The following DGKH variants were observed in gnomAD, a reference collection of about 807,000 sequenced individuals.
DGKH encodes diacylglycerol kinase eta.
DGKH carries 90 observed loss-of-function variants against 159.3 expected under a neutral mutation model. The ratio of observed to expected loss-of-function variants is 0.57; its 90% CI spans 0.48 to 0.67. The LOEUF is 0.67. Among genes scored for constraint, DGKH ranks in the 30% least tolerant of loss-of-function variants. The pLI, the probability that DGKH is intolerant of heterozygous loss-of-function variation, is 0.00. For synonymous variants in DGKH, 536 were observed against 553.8 expected (o/e 0.97, Z 0.45); for missense variants, 1,181 against 1,506.1 (o/e 0.78, Z 3.57).
At chr13:42,159,890 G>A (rs1339991607) in intron 6 of DGKH, 121 bp from the exon 7 acceptor site, 1 of 1,412,054 alleles carries the variant, frequency 7.1e-7, no homozygotes, top group Non-Finnish European at 9.7e-7. Flanking sequence ...GTAAATGAGT[G>A]AATGCTATGC....
At chr13:42,067,239 G>A (rs970153045) in intron 1 of DGKH, among the ~76,000 whole-genome samples, 2 of 152,032 alleles carry the variant, frequency 1.3e-5, no homozygotes, top group East Asian at 1.9e-4. Flanking sequence ...ACTATTTTAA[G>A]GGAAAAATAG....
At chr13:42,085,580 A>G (rs763117424) in intron 1 of DGKH, among the ~76,000 whole-genome samples, 77 of 152,338 alleles carry the variant, frequency 5.1e-4, no homozygotes, top group Non-Finnish European at 7.9e-4. Flanking sequence ...GGTTTACAGC[A>G]GAGTAAGCCT....
At chr13:42,042,384 A>T (rs898418113) in intron 1 of DGKH, among the ~76,000 whole-genome samples, 2 of 151,780 alleles carry the variant, frequency 1.3e-5, no homozygotes, top group Admixed American at 1.3e-4. Flanking sequence ...AAATTAGATA[A>T]TTTTTTTTTC....
intron 3 of DGKH, chr13:42,140,574 C>A (rs1287554642): frequency 1.3e-5 from 2 of 152,260 alleles, no homozygotes; most frequent in African/African-American, 2.4e-5. Context: ...CCAAGTTCCA[C>A]CAACCACTCT....
intron 11 of DGKH, among the ~76,000 whole-genome samples, chr13:42,172,256 C>T (rs1371569889): frequency 6.6e-6 from 1 of 150,478 alleles, no homozygotes; most frequent in Admixed American, 6.6e-5. Flanking sequence ...GGACTACAGG[C>T]GTGTGCCACC....
At chr13:42,094,192 A>G (rs1954477255) in intron 1 of DGKH, among the ~76,000 whole-genome samples, 1 of 152,070 alleles carries the variant, frequency 6.6e-6, no homozygotes. Context: ...TGGGTGCAGC[A>G]CACCGACATG....
rs1296090857 is a variant in DGKH at position 42,219,317 on chromosome 13, C to T, written c.3301C>T (p.Leu1101Phe). 6.2e-6 allele frequency: 10 copies of T among 1,613,744 alleles called. No homozygotes were observed. The highest frequency in any genetic ancestry group is 6.8e-6 in the Non-Finnish European group (8 of 1,179,856). ...ACAGAAACTGACAGAGATTCCTTGGCTTTATTATATCTTACACCCAAATGA... is the reference window on the plus strand; with the variant it reads ...ACAGAAACTGACAGAGATTCCTTGGTTTTATTATATCTTACACCCAAATGA... ...ELQKLTEIPW[L>F]YYILHPNEDE... The change falls in exon 27 of 30, where the codon CTT (leucine) becomes TTT (phenylalanine). Residue 1101 changes from leucine to phenylalanine, a missense_variant. Physicochemically the swap from Leu to Phe is conservative, Grantham distance 22. Transcript: ENST00000337343.
chr13:42,215,776 G>T, intron 26 of DGKH, 109 bp downstream of exon 26: 1 of 969,196 alleles, frequency 1.0e-6, no homozygotes, highest in Non-Finnish European at 1.5e-6. Context: ...GCAGCCTTCT[G>T]GCTTCCATCC....
chr13:42,079,655 G>A (rs1026564290), intron 1 of DGKH, among the ~76,000 whole-genome samples: 5 of 152,164 alleles, frequency 3.3e-5, no homozygotes, highest in South Asian at 2.1e-4. Context: ...TCTCACTCAC[G>A]GAGTTCATCC....
rs1263488084 is a variant in DGKH, at chr13:42,236,045, A to G, written c.*6857A>G. 1 of 152,184 alleles carries G rather than the reference A, an allele frequency of 6.6e-6. No individual in the cohort carries two copies. Among genetic ancestry groups the G allele is most frequent in the Non-Finnish European group, 1.5e-5 (1 of 68,014 alleles). 9.4% of individuals were successfully genotyped at this position (152,184 alleles called of 1,614,324 possible). ...TTAATAACAAATATAAAAGCTTTGT[A>G]TATTTTGTGGCATTAGGGGCAAGAA... On this transcript the variant is annotated 3_prime_UTR_variant, in exon 30 of 30. Transcript: ENST00000337343.
At chr13:42,173,769 T>G (rs990325389) in intron 11 of DGKH, among the ~76,000 whole-genome samples, 1 of 152,126 alleles carries the variant, frequency 6.6e-6, no homozygotes, top group Admixed American at 6.5e-5. Flanking sequence ...TTGTAACGTG[T>G]GGATTTCTTA....
intron 29 of DGKH, among the ~76,000 whole-genome samples, chr13:42,248,500 ATAAT>A (rs1193440929): frequency 6.8e-6 from 1 of 147,284 alleles, no homozygotes; most frequent in African/African-American, 2.5e-5. Flanking sequence ...TATATAATTT[ATAAT>A]TAAATAATAT....
Position 42,210,629 on chromosome 13 carries a change from G to A in DGKH, c.2878G>A (p.Glu960Lys), listed in dbSNP as rs1425187132. 6.2e-7 allele frequency: 1 copy of A among 1,611,988 alleles called. No homozygotes were observed. The highest frequency in any genetic ancestry group is 8.5e-7 in the Non-Finnish European group (1 of 1,179,912). The stretch of plus-strand genomic sequence containing the variant: ...CTTTGAGAGCACTCTGAAATCTTGG[G>A]AAGATAAGCAGAAGTGTGATTCTGG... ...RAFESTLKSW[E>K]DKQKCDSGKP... is the part of the protein sequence containing the mutation. The change falls in exon 24 of 30, where the codon GAA becomes AAA. Residue 960 changes from glutamate to lysine, a missense_variant. Transcript: ENST00000337343.
chr13:42,146,150 CTTT>C (rs57139526), intron 3 of DGKH, among the ~76,000 whole-genome samples: 160 of 110,262 alleles, frequency 1.5e-3, no homozygotes, highest in African/African-American at 4.2e-3. Context: ...TCTGGGGAGG[CTTT>C]TTTTTTTTTT....
At chr13:42,249,501 A>G (rs1477486163) in intron 29 of DGKH, among the ~76,000 whole-genome samples, 1 of 152,198 alleles carries the variant, frequency 6.6e-6, no homozygotes, top group East Asian at 1.9e-4. Flanking sequence ...CACTAATGAG[A>G]AGGTCAGCAA....
chr13:42,201,786 G>T (rs969555605), intron 20 of DGKH, among the ~76,000 whole-genome samples: 4 of 152,110 alleles, frequency 2.6e-5, no homozygotes, highest in Non-Finnish European at 5.9e-5. Context: ...AATAATATAT[G>T]TGTTTCATCG....
chr13:42,041,652 A>G (rs1880515220), intron 1 of DGKH, among the ~76,000 whole-genome samples: 1 of 152,168 alleles, frequency 6.6e-6, no homozygotes, highest in African/African-American at 2.4e-5. Context: ...CGATTCAAAC[A>G]GAACCGTCTC....
At chr13:42,123,741 A>G (rs1316173292) in intron 1 of DGKH, among the ~76,000 whole-genome samples, 3 of 152,224 alleles carry the variant, frequency 2.0e-5, no homozygotes, top group African/African-American at 7.2e-5. Flanking sequence ...GAAAATGCTC[A>G]AAGTCAGTAG....
chr13:42,232,233 C>T lies in DGKH; in HGVS notation c.*3045C>T, dbSNP rs950475567. On this transcript the variant is annotated 3_prime_UTR_variant, in exon 30 of 30. Transcript: ENST00000337343. ...TCCCACCTGCACCTGACTGCAATGA[C>T]TGTAATGGCTGGAATTGTCACCTCT... The T allele has an allele frequency of 6.6e-6, 1 of 152,322 alleles. No individual in the cohort carries two copies. The highest frequency in any genetic ancestry group is 1.5e-5 in the Non-Finnish European group (1 of 68,190). The allele number at this position is 152,322 out of a possible 1,614,324, so 9.4% of individuals were successfully genotyped here. A position where few individuals can be genotyped will look rare whatever the true frequency, so the allele number is the denominator to read the frequency against.
Sources: gnomAD v4.1 joint callset for allele counts (sites outside exome capture counted in the v4.1 genomes callset) on GRCh38, gnomAD v4.1.1 for gene constraint, MANE v1.5 for transcripts, NCBI Gene and HGNC (gene_info 2026-07-23, HGNC 2026-07-21) for gene names.